The following DALRD3 variants were observed in gnomAD, a reference collection of about 807,000 sequenced individuals.
DALRD3 encodes the protein DALR anticodon binding domain containing 3, also known as DALR anticodon-binding domain-containing protein 3.
In DALRD3, 47 loss-of-function variants were observed where a neutral mutation model predicts 56.7. That is an observed-to-expected ratio of 0.83 (90% CI 0.66 to 1.06). DALRD3 has a LOEUF of 1.06. Ranked by LOEUF, DALRD3 falls within the 50% of genes least tolerant of loss-of-function variation. DALRD3 has a pLI of 0.00. For synonymous variants in DALRD3, 347 were observed against 308.5 expected, an observed-to-expected ratio of 1.12 and a Z score of -1.31; for missense variants, 787 against 724.0, an observed-to-expected ratio of 1.09 and a Z score of -1.00.
At position 49,018,511 on chromosome 3, in the gene DALRD3, G is replaced by T; in HGVS notation, c.54C>A (p.Ala18=). 1 of 1,585,370 alleles carries T rather than the reference G, an allele frequency of 6.3e-7. No homozygotes were observed. The highest frequency in any genetic ancestry group is 8.6e-7 in the Non-Finnish European group (1 of 1,165,690). The change falls in exon 1 of 12, where the codon GCC becomes GCA. Residue 18 remains alanine, a synonymous_variant. Coordinates refer to ENST00000341949, the MANE Select transcript of DALRD3 (RefSeq NM_001009996.3). ...TCCACACCGGACCGCCTGGCCCCAG[G>T]GCCGCGTTGAGGGCCCCCAGCGTCT... is the stretch of plus-strand genomic sequence containing the variant. ...VGETLGALNA[A]LGPGGPVWIK... is the part of the protein sequence containing the mutation.
rs1211877961 is a variant in DALRD3, at chr3:49,016,641, G to A, written c.1034C>T (p.Ala345Val). 7 of 1,593,568 alleles carry A rather than the reference G, an allele frequency of 4.4e-6. No individual in the cohort carries two copies. The highest frequency in any genetic ancestry group is 3.4e-5 in the South Asian group (3 of 87,430). ...TGCCAGATCCCCACCATGCTTCAGT[G>A]CTGAGGCCTTGCACACCTGGGTATG... ...FRHTQVCKAS[A>V]LKHGGDLAQD... Residue 345 changes from alanine (A) to valine (V), a missense_variant, in exon 7 of 12, where the codon GCA (alanine) becomes GTA (valine). Physicochemically the swap from Ala to Val is moderately conservative, Grantham distance 64. Coordinates refer to ENST00000341949, the MANE Select transcript of DALRD3 (RefSeq NM_001009996.3).
Position 49,018,543 on chromosome 3 carries a change from C to A in DALRD3, c.22G>T (p.Val8Phe), listed in dbSNP as rs1322776326. 2 of 1,578,530 alleles carry A rather than the reference C, an allele frequency of 1.3e-6. No homozygotes were observed. The highest frequency in any genetic ancestry group is 1.7e-4 in the Middle Eastern group (1 of 5,994). The change falls in exon 1 of 12, where the codon GTC becomes TTC. Residue 8 changes from valine to phenylalanine, a missense_variant. Physicochemically the swap from Val to Phe is conservative, Grantham distance 50. Coordinates refer to ENST00000341949, the MANE Select transcript of DALRD3 (RefSeq NM_001009996.3). ...TTGAGGGCCCCCAGCGTCTCCCCGA[C>A]CCCAAGGCGCCTGGTCGCCATGGTG... MATRRLG[V>F]GETLGALNAA...
chr3:49,016,279 A>G lies in DALRD3; in HGVS notation c.1208T>C (p.Val403Ala). 3 of 1,613,700 alleles carry G rather than the reference A, an allele frequency of 1.9e-6. No homozygotes were observed. The highest frequency in any genetic ancestry group is 2.5e-6 in the Non-Finnish European group (3 of 1,179,664). ...GGCAAGACGGGCACAATTATACATGACAAAGGTGCCACTCTTTGTGCCCTT... is the reference window on the plus strand; with the variant it reads ...GGCAAGACGGGCACAATTATACATGGCAAAGGTGCCACTCTTTGTGCCCTT... ...STKGTKSGTF[V>A]MYNCARLATL... Residue 403 changes from valine to alanine, a missense_variant, in exon 9 of 12, where the codon GTC becomes GCC. Val to Ala is a moderately conservative substitution (Grantham distance 64, BLOSUM62 0). Coordinates refer to ENST00000341949, the MANE Select transcript of DALRD3 (RefSeq NM_001009996.3).
chr3:49,016,662 G>A lies in DALRD3; in HGVS notation c.1013C>T (p.Thr338Ile), dbSNP rs1417199018. 1.9e-6 allele frequency: 3 copies of A among 1,599,960 alleles called. No homozygotes were observed. Among genetic ancestry groups the A allele is most frequent in the South Asian group, 2.2e-5 (2 of 88,956 alleles). Residue 338 changes from threonine to isoleucine, a missense_variant, in exon 7 of 12, where the codon ACC (threonine) becomes ATC (isoleucine). Transcript: ENST00000341949. Reference sequence around the variant, plus strand: ...CAGTGCTGAGGCCTTGCACACCTGGGTATGCCGGAACCTGTGTTTGGAAGA... The same window carrying A: ...CAGTGCTGAGGCCTTGCACACCTGGATATGCCGGAACCTGTGTTTGGAAGA... ...TAPEYYEFRHTQVCKASALKH... is the reference protein window; with the variant it reads ...TAPEYYEFRHIQVCKASALKH...
upstream of DALRD3, chr3:49,020,321 A>G (rs2093142372): frequency 4.2e-6 from 2 of 473,790 alleles, no homozygotes; most frequent in African/African-American, 2.0e-5. Flanking sequence ...ACTCTCATCC[A>G]CGAAGACGGT....
Position 49,015,983 on chromosome 3 carries a change from C to T in DALRD3, c.1433G>A (p.Arg478His), listed in dbSNP as rs369996113. Residue 478 changes from arginine (R) to histidine (H), a missense_variant, in exon 10 of 12, where the codon CGC becomes CAC. Transcript: ENST00000341949. Reference sequence around the variant, plus strand: ...TTGTCTATGCCTCACCATCTCTGTGCGTACAGCAATGTGGAGCCCCGGGGC... The same window carrying T: ...TTGTCTATGCCTCACCATCTCTGTGTGTACAGCAATGTGGAGCCCCGGGGC... The part of the protein sequence containing the change: ...CTAPGLHIAV[R>H]TEMICKFLVQ... 23 of 1,613,154 alleles carry T rather than the reference C, an allele frequency of 1.4e-5. No homozygotes were observed. The highest frequency in any genetic ancestry group is 6.7e-5 in the Admixed American group (4 of 59,984).
upstream of DALRD3, chr3:49,018,923 C>G (rs1177215562): frequency 1.0e-6 from 1 of 985,310 alleles, no homozygotes; most frequent in East Asian, 1.1e-4. Flanking sequence ...TTCATTTCTC[C>G]CATTTTACAC....
rs2093105871 is a variant in DALRD3 at position 49,017,765 on chromosome 3, T to C, written c.566A>G (p.His189Arg). 4.3e-6 allele frequency: 7 copies of C among 1,613,672 alleles called. No homozygotes were observed. The highest frequency in any genetic ancestry group is 5.1e-6 in the Non-Finnish European group (6 of 1,179,980). The part of the protein sequence containing the change: ...WPAASERASS[H>R]TLRSHALEEL... ...TTCAAGGGCGTGGCTCCTCAGGGTG[T>C]GGGAGGAAGCTCTCTCCGAGGCAGC... The change falls in exon 3 of 12, where the codon CAC becomes CGC. Residue 189 changes from histidine to arginine, a missense_variant. Coordinates refer to ENST00000341949, the MANE Select transcript of DALRD3 (RefSeq NM_001009996.3).
In DALRD3 at chr3:49,015,604, G is replaced by T. The variant is rs1344655321; in HGVS notation, c.1616C>A (p.Pro539Gln). The T allele has an allele frequency of 3.7e-6, 6 of 1,613,998 alleles. No homozygotes were observed. Among genetic ancestry groups the T allele is most frequent in the Non-Finnish European group, 5.1e-6 (6 of 1,180,042 alleles). ...TCTGTGGCCTTAAATGTGGCTCAGTGGAGGGAGACCCAGCATAGCCAGGCC... is the reference window on the plus strand; with the variant it reads ...TCTGTGGCCTTAAATGTGGCTCAGTTGAGGGAGACCCAGCATAGCCAGGCC... Reference protein sequence around the residue: ...HTGLAMLGLPPLSHI With the variant: ...HTGLAMLGLPQLSHI Residue 539 changes from proline (P) to glutamine (Q), a missense_variant, in exon 12 of 12, where the codon CCA becomes CAA. Physicochemically the swap from Pro to Gln is moderately conservative, Grantham distance 76. Coordinates refer to ENST00000341949, the MANE Select transcript of DALRD3 (RefSeq NM_001009996.3).
chr3:49,015,845 T>C lies in DALRD3; in HGVS notation c.1471A>G (p.Met491Val). 1 of 1,614,214 alleles carries C rather than the reference T, an allele frequency of 6.2e-7. No individual in the cohort carries two copies. The highest frequency in any genetic ancestry group is 8.5e-7 in the Non-Finnish European group (1 of 1,180,042). ...CGGTTGTAGTAGGAGCTGAAATCCA[T>C]GCTGAGCTGTACCAGGAACTTGCAT... is the stretch of plus-strand genomic sequence containing the variant. Reference protein sequence around the residue: ...MICKFLVQLSMDFSSYYNRVH... With the variant: ...MICKFLVQLSVDFSSYYNRVH... Residue 491 changes from methionine to valine, a missense_variant, in exon 11 of 12, where the codon ATG becomes GTG. Coordinates refer to ENST00000341949, the MANE Select transcript of DALRD3 (RefSeq NM_001009996.3).
At chr3:49,019,291 T>C (rs2093130934), upstream of DALRD3, among the ~76,000 whole-genome samples, 1 of 151,352 alleles carries the variant, frequency 6.6e-6, no homozygotes, top group African/African-American at 2.4e-5. Context: ...CAGGCTGGTC[T>C]CGAACTCCTG....
chr3:49,018,894 A>G, upstream of DALRD3: 1 of 984,216 alleles, frequency 1.0e-6, no homozygotes. Flanking sequence ...GAAGTCTCAC[A>G]TGTTTGTTTT....
chr3:49,017,469 G>A lies in DALRD3; in HGVS notation c.763C>T (p.Leu255=). The change falls in exon 4 of 12, where the codon CTA becomes TTA. Residue 255 remains leucine, a synonymous_variant. Transcript: ENST00000341949. ...LSVLAELQEA[L]WHWPEDSHPG... is the part of the protein sequence containing the mutation. The stretch of plus-strand genomic sequence containing the variant: ...TGGCTGTCCTCGGGCCAATGCCATA[G>A]AGCCTCTTGCAGCTCAGCCAGCACA... 6.2e-7 allele frequency: 1 copy of A among 1,614,116 alleles called. No individual in the cohort carries two copies. Among genetic ancestry groups the A allele is most frequent in the Non-Finnish European group, 8.5e-7 (1 of 1,180,040 alleles).
rs1365894171 is a variant in DALRD3 at position 49,016,788 on chromosome 3, G to A, written c.987C>T (p.Ala329=). The stretch of plus-strand genomic sequence containing the variant: ...GCCTCACTCACTCGTAGTACTCAGG[G>A]GCAGTCATCAGAGTGCCAGGTGCAC... ...VAGAPGTLMT[A]PEYYEFRHTQ... is the part of the protein sequence containing the mutation. The change falls in exon 6 of 12, where the codon GCC becomes GCT. Residue 329 remains alanine (A), a synonymous_variant. Transcript: ENST00000341949. 1 of 1,614,056 alleles carries A rather than the reference G, an allele frequency of 6.2e-7. No homozygotes were observed. Among genetic ancestry groups the A allele is most frequent in the Non-Finnish European group, 8.5e-7 (1 of 1,180,036 alleles).
At position 49,016,795 on chromosome 3, in the gene DALRD3, A is replaced by AC. The variant is rs2093083385; in HGVS notation, c.979_980insG (p.Met327SerfsTer5). Reference sequence around the variant, plus strand: ...TCACTCGTAGTACTCAGGGGCAGTCATCAGAGTGCCAGGTGCACCAGCTAC... The same window carrying AC: ...TCACTCGTAGTACTCAGGGGCAGTCACTCAGAGTGCCAGGTGCACCAGCTAC... On this transcript the variant is annotated frameshift_variant, in exon 6 of 12. Transcript: ENST00000341949. LOFTEE classifies it high-confidence loss of function. 6.2e-7 allele frequency: 1 copy of AC among 1,614,216 alleles called. No homozygotes were observed. The highest frequency in any genetic ancestry group is 8.5e-7 in the Non-Finnish European group (1 of 1,180,032).
chr3:49,017,513 A>G lies in DALRD3; in HGVS notation c.719T>C (p.Val240Ala). 2 of 1,614,146 alleles carry G rather than the reference A, an allele frequency of 1.2e-6. No individual in the cohort carries two copies. Among genetic ancestry groups the G allele is most frequent in the East Asian group, 2.2e-5 (1 of 44,884 alleles). ...CAGCACAGAGAGGAGATCCTCAGTC[A>G]CTGAAAAGAGAACAGACAGGTGCTG... is the stretch of plus-strand genomic sequence containing the variant. ...GYDPNLDNCLVTEDLLSVLAE... is the reference protein window; with the variant it reads ...GYDPNLDNCLATEDLLSVLAE... Residue 240 changes from valine to alanine, a missense_variant and splice_region_variant, in exon 4 of 12, where the codon GTG becomes GCG. Val to Ala is a moderately conservative substitution (Grantham distance 64, BLOSUM62 0). Transcript: ENST00000341949.
Position 49,017,686 on chromosome 3 carries a change from T to A in DALRD3, c.645A>T (p.Arg215Ser). Residue 215 changes from arginine (R) to serine (S), a missense_variant, in exon 3 of 12, where the codon AGA becomes AGT. Transcript: ENST00000341949. ...GRTLSPGILG[R>S]LCLKELVEEQ... is the part of the protein sequence containing the mutation. The stretch of plus-strand genomic sequence containing the variant: ...CTTCCACCAGCTCCTTCAGACACAG[T>A]CTGCCTAGGATGCCAGGGGACAGTG... The A allele has an allele frequency of 6.2e-7, 1 of 1,614,136 alleles. No homozygotes were observed. The highest frequency in any genetic ancestry group is 1.1e-5 in the South Asian group (1 of 91,088).
rs2093051983 is a variant in DALRD3 at position 49,015,591 on chromosome 3, A to G, written c.1629T>C (p.Ile543=). 6.2e-7 allele frequency: 1 copy of G among 1,614,118 alleles called. No homozygotes were observed. Among genetic ancestry groups the G allele is most frequent in the Non-Finnish European group, 8.5e-7 (1 of 1,180,018 alleles). ...AMLGLPPLSH[I] ...AGGTATTGGAGCCTCTGTGGCCTTA[A>G]ATGTGGCTCAGTGGAGGGAGACCCA... The change falls in exon 12 of 12, where the codon ATT becomes ATC. Residue 543 remains isoleucine (I), a synonymous_variant. Coordinates refer to ENST00000341949, the MANE Select transcript of DALRD3 (RefSeq NM_001009996.3).
upstream of DALRD3, chr3:49,020,468 G>C (rs1212096800): frequency 2.6e-6 from 1 of 385,032 alleles, no homozygotes; most frequent in African/African-American, 2.1e-5. Flanking sequence ...CCTCCCCAGG[G>C]TTCCAGAGAT....
Sources: allele counts gnomAD v4.1 joint callset (sites outside exome capture counted in the v4.1 genomes callset), GRCh38; gene constraint gnomAD v4.1.1; transcripts MANE v1.5; gene names NCBI Gene and HGNC (gene_info 2026-07-23, HGNC 2026-07-21).